Variants in NDUFS4 observed in about 807,000 individuals in gnomAD.
NDUFS4 encodes NADH dehydrogenase [ubiquinone] iron-sulfur protein 4, mitochondrial.
Under a neutral mutation model 24.3 loss-of-function variants are expected in NDUFS4, and 28 were observed. That is an observed-to-expected ratio of 1.15 (90% CI 0.85 to 1.58). NDUFS4 has a LOEUF of 1.58. Ranked by LOEUF, NDUFS4 falls within the 40% of genes most tolerant of loss-of-function variation. The pLI, the probability that NDUFS4 is intolerant of heterozygous loss-of-function variation, is 0.00. For missense variants in NDUFS4, 223 were observed against 207.9 expected, an observed-to-expected ratio of 1.07 and a Z score of -0.45; for synonymous variants, 93 against 69.7, an observed-to-expected ratio of 1.34 and a Z score of -1.67.
At chr5:53,600,515 G>A (rs1750278191) in intron 1 of NDUFS4, among the ~76,000 whole-genome samples, 1 of 152,030 alleles carries the variant, frequency 6.6e-6, no homozygotes, top group South Asian at 2.1e-4. Context: ...TGTCATGTTG[G>A]CCAGACTGGT....
intron 3 of NDUFS4, among the ~76,000 whole-genome samples, chr5:53,651,076 C>G (rs1334758004): frequency 1.3e-5 from 2 of 152,054 alleles, no homozygotes; most frequent in African/African-American, 4.8e-5. Context: ...TAGACCTTGT[C>G]TGCAATTGGT....
At chr5:53,624,756 T>A (rs1330529712) in intron 2 of NDUFS4, among the ~76,000 whole-genome samples, 1 of 152,210 alleles carries the variant, frequency 6.6e-6, no homozygotes, top group Admixed American at 6.5e-5. Flanking sequence ...TTTTCACATA[T>A]GTCATCTGGG....
intron 1 of NDUFS4, among the ~76,000 whole-genome samples, chr5:53,571,720 T>C (rs910215750): frequency 6.6e-6 from 1 of 152,228 alleles, no homozygotes; most frequent in African/African-American, 2.4e-5. Flanking sequence ...GTTATAACTA[T>C]CCTAGTGAGT....
At chr5:53,647,471 G>A in intron 3 of NDUFS4, among the ~76,000 whole-genome samples, 1 of 152,054 alleles carries the variant, frequency 6.6e-6, no homozygotes, top group East Asian at 1.9e-4. Context: ...ACCCACCTCA[G>A]CCTCGAAAGT....
At chr5:53,573,651 C>A in intron 1 of NDUFS4, 1 of 442,880 alleles carries the variant, frequency 2.3e-6, no homozygotes, top group Non-Finnish European at 4.5e-6. Flanking sequence ...TGCAGTGGTG[C>A]AATCATAGCT....
At chr5:53,662,451 A>T (rs181930365) in intron 4 of NDUFS4, among the ~76,000 whole-genome samples, 4 of 151,940 alleles carry the variant, frequency 2.6e-5, no homozygotes, top group Non-Finnish European at 4.4e-5. Flanking sequence ...TGGTCTAAAA[A>T]TCTCTTTTTT....
At chr5:53,593,661 CT>C (rs1750044775) in intron 1 of NDUFS4, among the ~76,000 whole-genome samples, 1 of 148,130 alleles carries the variant, frequency 6.8e-6, no homozygotes, top group Non-Finnish European at 1.5e-5. Context: ...TTAGACCTTT[CT>C]TCTTTTCTAA....
intron 4 of NDUFS4, among the ~76,000 whole-genome samples, chr5:53,664,011 C>T (rs899659753): frequency 6.6e-6 from 1 of 152,144 alleles, no homozygotes; most frequent in Non-Finnish European, 1.5e-5. Context: ...TTCAAGAGCT[C>T]TTTTAGGGCA....
intron 2 of NDUFS4, among the ~76,000 whole-genome samples, chr5:53,628,090 A>T (rs905392900): frequency 6.6e-6 from 1 of 152,198 alleles, no homozygotes; most frequent in Non-Finnish European, 1.5e-5. Context: ...TTTAGCATGA[A>T]GGGCTGTTGA....
At chr5:53,618,113 C>CA (rs929949584) in intron 2 of NDUFS4, among the ~76,000 whole-genome samples, 4 of 150,620 alleles carry the variant, frequency 2.7e-5, no homozygotes, top group African/African-American at 9.8e-5. Context: ...TCGTCTCTTC[C>CA]AAAAAAAAAT....
At chr5:53,595,285 A>G (rs537859871) in intron 1 of NDUFS4, among the ~76,000 whole-genome samples, 2 of 152,200 alleles carry the variant, frequency 1.3e-5, no homozygotes, top group Admixed American at 6.5e-5. Context: ...TAAAAATTCT[A>G]TTAGGATTTG....
chr5:53,661,565 G>A (rs1752344236), intron 4 of NDUFS4, among the ~76,000 whole-genome samples: 1 of 152,106 alleles, frequency 6.6e-6, no homozygotes, highest in Non-Finnish European at 1.5e-5. Context: ...GATGGGAATG[G>A]CATTGAATCT....
At chr5:53,602,067 A>G (rs946072826) in intron 1 of NDUFS4, among the ~76,000 whole-genome samples, 8 of 152,098 alleles carry the variant, frequency 5.3e-5, no homozygotes, top group Non-Finnish European at 8.8e-5. Context: ...GATGAGGGGG[A>G]GCTACTTACT....
In NDUFS4 at chr5:53,656,642, A is replaced by G. The variant is rs1054463320; in HGVS notation, c.351-1909A>G. 2.0e-4 allele frequency among the ~76,000 whole-genome samples: 30 copies of G among 152,228 alleles called. 1 individual carries two copies. Among genetic ancestry groups the G allele is most frequent in the Admixed American group, 6.5e-5 (1 of 15,282 alleles). On this transcript the variant is annotated intron_variant, in intron 3 of 4. Coordinates refer to ENST00000296684, the MANE Select transcript of NDUFS4 (RefSeq NM_002495.4). ...ACTTCTCAGGGGAGTAATTAAAAAG[A>G]AGGCTAGAAAGTAGTTCTGTCCATA...
intron 1 of NDUFS4, among the ~76,000 whole-genome samples, chr5:53,584,362 C>CT (rs963272892): frequency 1.1e-4 from 17 of 149,604 alleles, no homozygotes; most frequent in South Asian, 2.1e-4. Context: ...AACTGAGCTT[C>CT]TTTTTTTTTT....
At chr5:53,566,513 A>G (rs370986142) in intron 1 of NDUFS4, among the ~76,000 whole-genome samples, 1 of 152,136 alleles carries the variant, frequency 6.6e-6, no homozygotes, top group Non-Finnish European at 1.5e-5. Context: ...CATTTTTCAG[A>G]TGAGGAAACA....
intron 4 of NDUFS4, among the ~76,000 whole-genome samples, chr5:53,662,604 G>A (rs1208484715): frequency 6.6e-6 from 1 of 152,002 alleles, no homozygotes; most frequent in Non-Finnish European, 1.5e-5. Context: ...GGTAGAATTC[G>A]GCTGTGAATC....
At chr5:53,639,057 T>C (rs1031533473) in intron 2 of NDUFS4, among the ~76,000 whole-genome samples, 2 of 151,962 alleles carry the variant, frequency 1.3e-5, no homozygotes, top group African/African-American at 2.4e-5. Context: ...AAACCAGTTA[T>C]TTTACTTTAG....
chr5:53,629,903 A>T (rs1751354355), intron 2 of NDUFS4, among the ~76,000 whole-genome samples: 1 of 152,078 alleles, frequency 6.6e-6, no homozygotes. Flanking sequence ...GTTATGTGTG[A>T]ATTTGATCCT....
Sources: allele counts gnomAD v4.1 joint callset (sites outside exome capture counted in the v4.1 genomes callset), GRCh38; gene constraint gnomAD v4.1.1; transcripts MANE v1.5; gene names NCBI Gene and HGNC (gene_info 2026-07-23, HGNC 2026-07-21).